RAB38: variants seen among roughly 807,000 people sequenced by gnomAD.
RAB38 encodes ras-related protein Rab-38.
RAB38 carries 15 observed loss-of-function variants against 18.4 expected under a neutral mutation model. That is an observed-to-expected ratio of 0.82 (90% confidence interval 0.55 to 1.26). RAB38 has a LOEUF of 1.26. Ranked by LOEUF, RAB38 falls within the 50% of genes most tolerant of loss-of-function variation. The probability of loss-of-function intolerance (pLI) is 0.00; values close to 1 mark genes in which losing one functional copy is unlikely to be tolerated. For missense variants in RAB38, 294 were observed against 267.4 expected (o/e 1.10, Z -0.69); for synonymous variants, 101 against 104.4 (o/e 0.97, Z 0.20).
At chr11:87,941,211 T>TTATATATATATATA in the RAB38 span, among the ~76,000 whole-genome samples, 3 of 24,134 alleles carry the variant, frequency 1.2e-4, no homozygotes, top group Admixed American at 8.4e-4. Flanking sequence ...TATAAATATA[T>TTATATATATATATA]GAGATATATA....
chr11:88,026,303 C>G, the RAB38 span, among the ~76,000 whole-genome samples: 1 of 151,504 alleles, frequency 6.6e-6, no homozygotes, highest in African/African-American at 2.4e-5. Flanking sequence ...CTGGCTCACA[C>G]CTGTAATCCC....
At chr11:88,100,795 A>C in the RAB38 span, among the ~76,000 whole-genome samples, 4 of 152,002 alleles carry the variant, frequency 2.6e-5, no homozygotes, top group African/African-American at 9.7e-5. Context: ...TAGAAATATT[A>C]TGGACAGGCA....
the RAB38 span, among the ~76,000 whole-genome samples, chr11:87,881,541 T>C: frequency 6.6e-6 from 1 of 151,930 alleles, no homozygotes; most frequent in Non-Finnish European, 1.5e-5. Context: ...TCATTTGTTA[T>C]TCTCAGTGTT....
At chr11:88,156,819 C>T (rs964213028) in intron 1 of RAB38, among the ~76,000 whole-genome samples, 8 of 152,192 alleles carry the variant, frequency 5.3e-5, no homozygotes, top group Admixed American at 2.0e-4. Context: ...ACAAGCCTTA[C>T]AAGAAATCTT....
downstream of RAB38, among the ~76,000 whole-genome samples, chr11:88,109,889 G>C (rs565301005): frequency 1.4e-4 from 21 of 152,304 alleles, no homozygotes; most frequent in South Asian, 4.4e-3. Flanking sequence ...AGAGGATGTG[G>C]AGAAATAGGA....
the RAB38 span, among the ~76,000 whole-genome samples, chr11:88,075,287 A>C: frequency 6.6e-6 from 1 of 152,206 alleles, no homozygotes; most frequent in South Asian, 2.1e-4. Context: ...AAAATACAAT[A>C]TCTTAGGCCA....
chr11:87,912,833 T>C, the RAB38 span, among the ~76,000 whole-genome samples: 2 of 146,774 alleles, frequency 1.4e-5, no homozygotes, highest in African/African-American at 4.9e-5. Context: ...TTCAGCACTA[T>C]AGTATTTTTC....
the RAB38 span, among the ~76,000 whole-genome samples, chr11:87,920,937 A>G: frequency 6.6e-6 from 1 of 152,028 alleles, no homozygotes; most frequent in Non-Finnish European, 1.5e-5. Context: ...GTAATCTATA[A>G]TTAGAGATTT....
rs1943290686 is a variant in RAB38 at position 88,170,023 on chromosome 11, TC to T, written c.202+5159del. Among the ~76,000 whole-genome samples the T allele has an allele frequency of 5.9e-5, 9 of 152,264 alleles. No homozygotes were observed. In the South Asian group the frequency reaches 1.9e-3, roughly 32 times the overall value. On this transcript the variant is annotated intron_variant, in intron 1 of 2. Coordinates refer to ENST00000243662, the MANE Select transcript of RAB38 (RefSeq NM_022337.3). ...ACACATATAGAGCTACTTTTTCCAA[TC>T]CCCTCCCACTCTCAAATGCCTTAGC...
At chr11:87,838,356 C>T in the RAB38 span, among the ~76,000 whole-genome samples, 4 of 152,224 alleles carry the variant, frequency 2.6e-5, no homozygotes, top group Admixed American at 6.5e-5. Flanking sequence ...CCTCATGATC[C>T]GCCCACCTTG....
the RAB38 span, among the ~76,000 whole-genome samples, chr11:88,100,942 T>C: frequency 6.6e-6 from 1 of 152,030 alleles, no homozygotes; most frequent in Non-Finnish European, 1.5e-5. Flanking sequence ...GGGAATAGGA[T>C]GATCTTTCTC....
the RAB38 span, among the ~76,000 whole-genome samples, chr11:88,102,645 G>A: frequency 6.6e-6 from 1 of 152,044 alleles, no homozygotes; most frequent in Non-Finnish European, 1.5e-5. Context: ...AGCAGTCTCT[G>A]CCACAGAGAT....
chr11:87,854,634 A>G, the RAB38 span, among the ~76,000 whole-genome samples: 1 of 152,228 alleles, frequency 6.6e-6, no homozygotes, highest in Non-Finnish European at 1.5e-5. Context: ...GTTCATAAAA[A>G]TACATTTTTC....
intron 1 of RAB38, among the ~76,000 whole-genome samples, chr11:88,171,591 A>T (rs767800662): frequency 6.6e-6 from 1 of 152,216 alleles, no homozygotes; most frequent in Non-Finnish European, 1.5e-5. Context: ...GGTCAATTTT[A>T]AATTCTAGTG....
At chr11:87,875,724 T>C in the RAB38 span, among the ~76,000 whole-genome samples, 1 of 151,586 alleles carries the variant, frequency 6.6e-6, no homozygotes, top group African/African-American at 2.4e-5. Flanking sequence ...ATGTTTTTGA[T>C]ATTACCTTAA....
At chr11:87,965,614 G>A in the RAB38 span, among the ~76,000 whole-genome samples, 2 of 152,122 alleles carry the variant, frequency 1.3e-5, no homozygotes, top group Admixed American at 6.6e-5. Context: ...TTACCAAGAA[G>A]TATTATAATA....
chr11:88,148,485 G>A (rs1340417925), intron 2 of RAB38, among the ~76,000 whole-genome samples: 2 of 152,150 alleles, frequency 1.3e-5, no homozygotes, highest in African/African-American at 4.8e-5. Context: ...ATGCCACTGT[G>A]TCTCCTGGTT....
the RAB38 span, among the ~76,000 whole-genome samples, chr11:87,804,966 A>G: frequency 2.6e-5 from 4 of 152,162 alleles, no homozygotes; most frequent in Admixed American, 6.5e-5. Flanking sequence ...TTGTCTCTCA[A>G]TATCTCAGCC....
the RAB38 span, among the ~76,000 whole-genome samples, chr11:87,840,525 T>G: frequency 6.6e-6 from 1 of 152,188 alleles, no homozygotes; most frequent in South Asian, 2.1e-4. Context: ...ATGGAATCAA[T>G]AGCTCAGCAT....
Sources: allele counts gnomAD v4.1 joint callset (sites outside exome capture counted in the v4.1 genomes callset), GRCh38; gene constraint gnomAD v4.1.1; transcripts MANE v1.5; gene names NCBI Gene and HGNC (gene_info 2026-07-23, HGNC 2026-07-21).